The following TCF12 variants were observed in gnomAD, a reference collection of about 807,000 sequenced individuals.
The protein encoded by TCF12 is transcription factor 12.
Under a neutral mutation model 86.0 loss-of-function variants are expected in TCF12, and 45 were observed. That is an observed-to-expected ratio of 0.52 (90% CI 0.41 to 0.67). The LOEUF (loss-of-function observed/expected upper bound fraction) is 0.67. Among genes scored for constraint, TCF12 ranks in the 30% least tolerant of loss-of-function variants. The pLI is 0.00. For missense variants in TCF12, 881 were observed against 859.9 expected (o/e 1.02, Z -0.31); for synonymous variants, 330 against 299.6 (o/e 1.10, Z -1.05).
At chr15:57,062,460 A>G (rs2068531098) in intron 3 of TCF12, among the ~76,000 whole-genome samples, 1 of 152,120 alleles carries the variant, frequency 6.6e-6, no homozygotes. Flanking sequence ...AAAAAAAGTT[A>G]TTAAAATATA....
At chr15:57,076,472 A>T (rs1425133769) in intron 4 of TCF12, among the ~76,000 whole-genome samples, 2 of 151,862 alleles carry the variant, frequency 1.3e-5, no homozygotes, top group African/African-American at 4.8e-5. Flanking sequence ...GGCTAACATG[A>T]TGAATCCCCG....
chr15:57,242,574 A>G (rs573430855), intron 12 of TCF12, among the ~76,000 whole-genome samples: 3 of 152,226 alleles, frequency 2.0e-5, no homozygotes, highest in South Asian at 2.1e-4. Context: ...AGCTGAGACA[A>G]GAGAATCGCT....
intron 4 of TCF12, among the ~76,000 whole-genome samples, chr15:57,087,577 A>C (rs896860621): frequency 2.0e-5 from 3 of 152,090 alleles, no homozygotes; most frequent in Admixed American, 1.3e-4. Context: ...TATGAAATCT[A>C]CTTTATAGAC....
At chr15:57,206,498 A>G (rs1187312474) in intron 8 of TCF12, among the ~76,000 whole-genome samples, 2 of 152,114 alleles carry the variant, frequency 1.3e-5, no homozygotes, top group Non-Finnish European at 2.9e-5. Flanking sequence ...TCCAGTGAAA[A>G]ACAGACCTAA....
At chr15:57,277,963 A>G (rs1305747379) in intron 19 of TCF12, among the ~76,000 whole-genome samples, 2 of 152,030 alleles carry the variant, frequency 1.3e-5, no homozygotes, top group African/African-American at 4.8e-5. Flanking sequence ...AAGATATATC[A>G]GATATGCAAA....
At chr15:56,918,341 G>T, upstream of TCF12, 1 of 441,422 alleles carries the variant, frequency 2.3e-6, no homozygotes, top group South Asian at 1.6e-5. Flanking sequence ...CAAGACCAAC[G>T]CGAGGAGGCG....
At chr15:57,084,863 C>G (rs1197117981) in intron 4 of TCF12, among the ~76,000 whole-genome samples, 2 of 151,728 alleles carry the variant, frequency 1.3e-5, no homozygotes, top group African/African-American at 4.8e-5. Flanking sequence ...TTTCAATAAA[C>G]CTTTTACAGG....
intron 12 of TCF12, among the ~76,000 whole-genome samples, chr15:57,240,342 A>T (rs2059559417): frequency 6.6e-6 from 1 of 152,230 alleles, no homozygotes; most frequent in Non-Finnish European, 1.5e-5. Context: ...CAGTGTAAGC[A>T]CTATGAAGAA....
rs1225478729 is a variant in TCF12, at chr15:57,232,692, T to C, written c.826-20T>C. Reference sequence around the variant, plus strand: ...TTATTCAGAAAATATATTTAATAGATCATATCTCTTTCCATCTAGAGTTAT... The same window carrying C: ...TTATTCAGAAAATATATTTAATAGACCATATCTCTTTCCATCTAGAGTTAT... On this transcript the variant is annotated intron_variant, in intron 10 of 20. Coordinates refer to ENST00000333725, the MANE Select transcript of TCF12 (RefSeq NM_207037.2). 1.2e-6 allele frequency: 2 copies of C among 1,605,406 alleles called. No individual in the cohort carries two copies.
chr15:57,265,305 A>G (rs1277240415), intron 18 of TCF12, among the ~76,000 whole-genome samples: 2 of 151,886 alleles, frequency 1.3e-5, no homozygotes, highest in African/African-American at 2.4e-5. Context: ...GGTTTTCTCT[A>G]AGTACTCCGG....
At chr15:56,943,249 C>G (rs1483596352) in intron 3 of TCF12, among the ~76,000 whole-genome samples, 2 of 152,132 alleles carry the variant, frequency 1.3e-5, no homozygotes, top group African/African-American at 2.4e-5. Context: ...TGAGCCCATA[C>G]TGATTTTAGT....
intron 3 of TCF12, among the ~76,000 whole-genome samples, chr15:57,033,159 G>T (rs1477772725): frequency 6.6e-6 from 1 of 152,124 alleles, no homozygotes; most frequent in African/African-American, 2.4e-5. Flanking sequence ...AAACTTTAGA[G>T]CTTCAGAGAA....
At chr15:57,165,729 G>C (rs1175400141) in intron 5 of TCF12, among the ~76,000 whole-genome samples, 2 of 151,572 alleles carry the variant, frequency 1.3e-5, no homozygotes, top group Non-Finnish European at 2.9e-5. Context: ...GTAGAGACAG[G>C]GTTTCACCTT....
At chr15:57,065,117 G>A (rs1210517660) in intron 4 of TCF12, among the ~76,000 whole-genome samples, 6 of 152,112 alleles carry the variant, frequency 3.9e-5, no homozygotes, top group Non-Finnish European at 5.9e-5. Context: ...GAAAGAACTG[G>A]GATAGTCGTA....
intron 5 of TCF12, among the ~76,000 whole-genome samples, chr15:57,160,704 G>GT (rs1259460399): frequency 2.0e-5 from 3 of 151,726 alleles, no homozygotes; most frequent in Non-Finnish European, 4.4e-5. Context: ...TTTGTTTTTT[G>GT]TTTTTTGAGG....
chr15:57,253,229 A>G (rs2060199388), intron 15 of TCF12, 33 bp from the exon 16 acceptor site: 2 of 1,610,442 alleles, frequency 1.2e-6, no homozygotes, highest in Non-Finnish European at 1.7e-6. Flanking sequence ...GATGCCAGCA[A>G]TAACCACCAT....
At chr15:57,232,210 C>T in intron 9 of TCF12, 81 bp from the exon 10 acceptor site, 3 of 1,500,252 alleles carry the variant, frequency 2.0e-6, no homozygotes, top group East Asian at 2.3e-5. Flanking sequence ...TGGAGGGTAC[C>T]CCTTGAATTT....
At chr15:57,218,220 C>T (rs1456984689) in intron 8 of TCF12, among the ~76,000 whole-genome samples, 1 of 152,044 alleles carries the variant, frequency 6.6e-6, no homozygotes, top group Non-Finnish European at 1.5e-5. Flanking sequence ...GTGATGTGCC[C>T]CCTTTTGCAG....
intron 18 of TCF12, among the ~76,000 whole-genome samples, chr15:57,269,360 C>CTTTTTTTTTTT (rs56700978): frequency 3.1e-5 from 1 of 32,000 alleles, no homozygotes; most frequent in Non-Finnish European, 5.2e-5. Context: ...ACAACCCCTG[C>CTTTTTTTTTTT]TTTTTTTTTT....
Sources: allele counts gnomAD v4.1 joint callset (sites outside exome capture counted in the v4.1 genomes callset), GRCh38; gene constraint gnomAD v4.1.1; transcripts MANE v1.5; gene names NCBI Gene and HGNC (gene_info 2026-07-23, HGNC 2026-07-21).